The following PACSIN2 variants were observed in gnomAD, a reference collection of about 807,000 sequenced individuals.
PACSIN2 encodes the protein protein kinase C and casein kinase substrate in neurons 2, also known as protein kinase C and casein kinase substrate in neurons protein 2.
A neutral mutation model predicts 63.8 loss-of-function variants in PACSIN2; 25 were observed. The observed-to-expected ratio is 0.39, with a 90% CI of 0.29 to 0.55. PACSIN2 has a LOEUF of 0.55. Among genes scored for constraint, PACSIN2 ranks in the 20% least tolerant of loss-of-function variants. The probability of loss-of-function intolerance (pLI) is 0.62; values close to 1 mark genes in which losing one functional copy is unlikely to be tolerated. For missense variants in PACSIN2, 518 were observed against 646.9 expected, an observed-to-expected ratio of 0.80 and a Z score of 2.16; for synonymous variants, 255 against 256.2, an observed-to-expected ratio of 1.00 and a Z score of 0.05.
chr22:42,876,129 C>T lies in PACSIN2; in HGVS notation c.1348+8G>A. 6.2e-7 allele frequency: 1 copy of T among 1,601,764 alleles called. No individual in the cohort carries two copies. The highest frequency in any genetic ancestry group is 8.5e-7 in the Non-Finnish European group (1 of 1,169,688). ...CTCCTCCCCTGGATGCTGGGGGAGCCCACCTACCAGCCTTGAAGCTCAGCT... is the reference window on the plus strand; with the variant it reads ...CTCCTCCCCTGGATGCTGGGGGAGCTCACCTACCAGCCTTGAAGCTCAGCT... On this transcript the variant is annotated splice_region_variant and intron_variant, in intron 10 of 10. Coordinates refer to ENST00000263246, the MANE Select transcript of PACSIN2 (RefSeq NM_001184970.3).
At chr22:42,894,775 G>C (rs1452218072) in intron 2 of PACSIN2, among the ~76,000 whole-genome samples, 1 of 152,208 alleles carries the variant, frequency 6.6e-6, no homozygotes, top group African/African-American at 2.4e-5. Flanking sequence ...TACAGTCGCT[G>C]ATAACTTGAG....
At chr22:42,883,251 C>T (rs1282314877) in intron 6 of PACSIN2, among the ~76,000 whole-genome samples, 1 of 152,204 alleles carries the variant, frequency 6.6e-6, no homozygotes, top group African/African-American at 2.4e-5. Flanking sequence ...TAATCTCACC[C>T]AGCCTCAGCT....
intron 7 of PACSIN2, 36 bp downstream of exon 7, chr22:42,882,148 C>A (rs374290800): frequency 1.1e-5 from 18 of 1,611,662 alleles, no homozygotes; most frequent in Non-Finnish European, 1.4e-5. Context: ...GGTCCTCTTC[C>A]AGGCTGATGA....
At chr22:42,910,698 G>A (rs928432382) in intron 2 of PACSIN2, among the ~76,000 whole-genome samples, 1 of 149,828 alleles carries the variant, frequency 6.7e-6, no homozygotes, top group Non-Finnish European at 1.5e-5. Flanking sequence ...TCAGGCAGAT[G>A]TGCCTCTCCG....
In PACSIN2 at chr22:42,876,867, A is replaced by G. The variant is rs758666702; in HGVS notation, c.1151+21T>C. The stretch of plus-strand genomic sequence containing the variant: ...GACAGAGTGAGCGCGGTGGGAGCAG[A>G]GGAAGCATTTGTTCACCAACTTTTT... On this transcript the variant is annotated intron_variant, in intron 9 of 10. Transcript: ENST00000263246. 1.9e-6 allele frequency: 3 copies of G among 1,613,852 alleles called. No individual in the cohort carries two copies. The Admixed American group carries it at 5.0e-5, about 27-fold the overall frequency.
intron 1 of PACSIN2, among the ~76,000 whole-genome samples, chr22:42,927,214 A>T (rs896400638): frequency 6.0e-5 from 9 of 150,928 alleles, no homozygotes; most frequent in Non-Finnish European, 1.3e-4. Context: ...CTGCATAAGC[A>T]GCATTTCTCC....
chr22:42,965,345 T>C (rs1201695566), intron 1 of PACSIN2, among the ~76,000 whole-genome samples: 1 of 152,270 alleles, frequency 6.6e-6, no homozygotes, highest in African/African-American at 2.4e-5. Flanking sequence ...CTTGACTGAG[T>C]CATACAGGTG....
Position 42,920,614 on chromosome 22 carries a change from C to T in PACSIN2, c.-77-8457G>A, listed in dbSNP as rs182705976. 5.9e-5 allele frequency among the ~76,000 whole-genome samples: 9 copies of T among 152,142 alleles called. No individual in the cohort carries two copies. The East Asian group carries it at 1.7e-3, about 29-fold the overall frequency. ...TAACAACGCAGAAACAAGGCCGCAC[C>T]GCCCATGGTGGAGGACGTGCTGGAA... is the stretch of plus-strand genomic sequence containing the variant. On this transcript the variant is annotated intron_variant, in intron 1 of 10. Coordinates refer to ENST00000263246, the MANE Select transcript of PACSIN2 (RefSeq NM_001184970.3).
chr22:42,910,362 C>T (rs1015489228), intron 2 of PACSIN2, among the ~76,000 whole-genome samples: 6 of 152,220 alleles, frequency 3.9e-5, no homozygotes, highest in Non-Finnish European at 8.8e-5. Flanking sequence ...CAAGGGCCTG[C>T]ACTTCTAAAG....
intron 1 of PACSIN2, among the ~76,000 whole-genome samples, chr22:42,960,642 C>T (rs1934098023): frequency 6.6e-6 from 1 of 152,140 alleles, no homozygotes; most frequent in African/African-American, 2.4e-5. Flanking sequence ...GTACGATTCC[C>T]TTTGGATCCA....
At chr22:42,989,110 C>T (rs1207881754) in intron 1 of PACSIN2, among the ~76,000 whole-genome samples, 4 of 152,176 alleles carry the variant, frequency 2.6e-5, no homozygotes, top group Non-Finnish European at 4.4e-5. Flanking sequence ...AACTCCTAGG[C>T]TCACGAAATC....
At chr22:42,914,393 C>CG (rs1348911803) in intron 1 of PACSIN2, among the ~76,000 whole-genome samples, 1 of 152,158 alleles carries the variant, frequency 6.6e-6, no homozygotes, top group Non-Finnish European at 1.5e-5. Flanking sequence ...CCACCACGCT[C>CG]GGCTAATTTT....
intron 2 of PACSIN2, among the ~76,000 whole-genome samples, chr22:42,893,861 G>C (rs1930098989): frequency 6.6e-6 from 1 of 152,144 alleles, no homozygotes; most frequent in Non-Finnish European, 1.5e-5. Context: ...GTACCAAGTA[G>C]AAACTGGGCT....
At chr22:42,881,041 C>G (rs1929031756) in intron 7 of PACSIN2, among the ~76,000 whole-genome samples, 1 of 152,232 alleles carries the variant, frequency 6.6e-6, no homozygotes, top group African/African-American at 2.4e-5. Context: ...CCTCCATGCT[C>G]TCTCAGTGCC....
intron 1 of PACSIN2, among the ~76,000 whole-genome samples, chr22:43,003,559 C>T (rs1335780796): frequency 6.6e-6 from 1 of 152,116 alleles, no homozygotes; most frequent in Non-Finnish European, 1.5e-5. Flanking sequence ...GCCGAGATCG[C>T]GCCACTGCAC....
At chr22:42,970,115 G>A (rs1009486298) in intron 1 of PACSIN2, among the ~76,000 whole-genome samples, 3 of 152,136 alleles carry the variant, frequency 2.0e-5, no homozygotes, top group African/African-American at 7.2e-5. Flanking sequence ...CTGGGAAGAG[G>A]CACAAAGCAA....
intron 1 of PACSIN2, among the ~76,000 whole-genome samples, chr22:42,984,462 T>TA (rs1452049981): frequency 2.0e-5 from 3 of 152,064 alleles, no homozygotes; most frequent in Admixed American, 6.6e-5. Context: ...GTGAACCTAG[T>TA]AAAACACTGG....
chr22:42,947,219 C>G (rs2007295), intron 1 of PACSIN2, among the ~76,000 whole-genome samples: 144,123 of 152,278 alleles, frequency 0.95, 68,288 homozygotes, highest in East Asian at 1. Context: ...CATTCACAGG[C>G]GGCAGAGTGA....
At chr22:42,885,587 C>G (rs1929417488) in intron 5 of PACSIN2, among the ~76,000 whole-genome samples, 1 of 152,048 alleles carries the variant, frequency 6.6e-6, no homozygotes, top group Non-Finnish European at 1.5e-5. Context: ...CTGAGTCTAC[C>G]CTGCCCATGC....
Sources: allele counts gnomAD v4.1 joint callset (sites outside exome capture counted in the v4.1 genomes callset), GRCh38; gene constraint gnomAD v4.1.1; transcripts MANE v1.5; gene names NCBI Gene and HGNC (gene_info 2026-07-23, HGNC 2026-07-21).